SPATA6L: variants seen among roughly 807,000 people sequenced by gnomAD.
SPATA6L encodes the protein spermatogenesis associated 6-like protein.
SPATA6L carries 68 observed loss-of-function variants against 49.2 expected under a neutral mutation model. The observed-to-expected ratio is 1.38, with a 90% CI of 1.14 to 1.69. The LOEUF (loss-of-function observed/expected upper bound fraction) is 1.69, where lower values mean the gene tolerates loss of function less well. Among genes scored for constraint, SPATA6L ranks in the 40% most tolerant of loss-of-function variants. The pLI is 0.00. For missense variants in SPATA6L, 668 were observed against 464.3 expected (o/e 1.44, Z -4.03); for synonymous variants, 198 against 165.7 (o/e 1.19, Z -1.50).
chr9:4,637,371 C>G (rs575430463), intron 3 of SPATA6L, among the ~76,000 whole-genome samples: 81 of 152,324 alleles, frequency 5.3e-4, no homozygotes, highest in Middle Eastern at 3.4e-3. Flanking sequence ...TTCCCAGACA[C>G]TCCCCATCAC....
chr9:4,640,195 T>A (rs569956610), intron 3 of SPATA6L, among the ~76,000 whole-genome samples: 8 of 152,310 alleles, frequency 5.3e-5, no homozygotes, highest in Admixed American at 3.3e-4. Flanking sequence ...AAAGAAAGCA[T>A]CAAGCTCACT....
chr9:4,640,119 T>G (rs1196586096), intron 3 of SPATA6L, among the ~76,000 whole-genome samples: 1 of 152,224 alleles, frequency 6.6e-6, no homozygotes, highest in African/African-American at 2.4e-5. Context: ...TAGAATAGGC[T>G]TTTACAGTTG....
chr9:4,610,595 T>C (rs941627781), intron 9 of SPATA6L, among the ~76,000 whole-genome samples: 22 of 151,196 alleles, frequency 1.5e-4, no homozygotes, highest in Non-Finnish European at 2.7e-4. Flanking sequence ...GCTAGCCATA[T>C]GTAGAAAGCT....
At chr9:4,626,814 C>A in intron 5 of SPATA6L, 1 of 223,062 alleles carries the variant, frequency 4.5e-6, no homozygotes, top group Non-Finnish European at 9.3e-6. Context: ...AATTGTCTGG[C>A]ACAAGAGTAC....
chr9:4,649,146 C>G (rs958702679), intron 3 of SPATA6L, among the ~76,000 whole-genome samples: 3 of 151,942 alleles, frequency 2.0e-5, no homozygotes, highest in African/African-American at 7.3e-5. Flanking sequence ...TGGATTGGTT[C>G]CACATTTTTG....
At chr9:4,604,575 C>T (rs970823368) in intron 10 of SPATA6L, among the ~76,000 whole-genome samples, 1 of 152,062 alleles carries the variant, frequency 6.6e-6, no homozygotes, top group African/African-American at 2.4e-5. Flanking sequence ...AGATTCCTTG[C>T]CTGAAAAGGT....
chr9:4,632,448 C>T (rs10283589), intron 4 of SPATA6L, among the ~76,000 whole-genome samples: 21,975 of 151,562 alleles, frequency 0.14, 2,593 homozygotes, highest in East Asian at 0.33. Context: ...ATACAAAAGT[C>T]AGCCAGGCGT....
Position 4,614,361 on chromosome 9 carries a change from G to A in SPATA6L, c.995+3562C>T, listed in dbSNP as rs116616297. ...CATCCTTATGACCTTGATCCTTACT[G>A]ACTTCAGTATTAAGTTAGCAGAAAA... On this transcript the variant is annotated intron_variant, in intron 9 of 11. Coordinates refer to ENST00000682582, the MANE Select transcript of SPATA6L (RefSeq NM_001353486.2). Among the ~76,000 whole-genome samples, 790 of 152,210 alleles carry A rather than the reference G, an allele frequency of 5.2e-3. 10 individuals carry two copies. Among genetic ancestry groups the A allele is most frequent in the African/African-American group, 0.018 (755 of 41,518 alleles).
chr9:4,662,107 T>G lies in SPATA6L; in HGVS notation c.40-71A>C, dbSNP rs1017693697. 6.4e-7 allele frequency: 1 copy of G among 1,568,938 alleles called. No individual in the cohort carries two copies. On this transcript the variant is annotated intron_variant, in intron 1 of 11. Coordinates refer to ENST00000682582, the MANE Select transcript of SPATA6L (RefSeq NM_001353486.2). The surrounding 1 kb of genome is among the most constrained non-coding windows in gnomAD (Gnocchi z 4.9). ...TGCTTTGTTTTGTTACACGGGGCTCTATTTCTCTTAAGCTCCTACAGACAC... is the reference window on the plus strand; with the variant it reads ...TGCTTTGTTTTGTTACACGGGGCTCGATTTCTCTTAAGCTCCTACAGACAC...
intron 6 of SPATA6L, among the ~76,000 whole-genome samples, chr9:4,623,704 A>G (rs1374334432): frequency 1.3e-5 from 2 of 152,240 alleles, no homozygotes; most frequent in Admixed American, 6.5e-5. Context: ...GTTAAATAAA[A>G]TAAGTATCAA....
intron 3 of SPATA6L, among the ~76,000 whole-genome samples, chr9:4,654,942 G>C (rs1199810314): frequency 1.3e-5 from 2 of 152,032 alleles, no homozygotes; most frequent in African/African-American, 2.4e-5. Context: ...CACCCTTCCT[G>C]TACCGAGCAC....
At chr9:4,602,004 G>T (rs1823421247) in intron 11 of SPATA6L, among the ~76,000 whole-genome samples, 1 of 152,146 alleles carries the variant, frequency 6.6e-6, no homozygotes, top group Admixed American at 6.5e-5. Context: ...AGCCTCTCCA[G>T]GAATCCATGA....
In SPATA6L at chr9:4,622,150, G is replaced by A. The variant is rs142270304; in HGVS notation, c.772+258C>T. Among the ~76,000 whole-genome samples the A allele has an allele frequency of 2.6e-3, 393 of 152,296 alleles. 3 individuals carry two copies. Among genetic ancestry groups the A allele is most frequent in the African/African-American group, 8.3e-3 (347 of 41,572 alleles). On this transcript the variant is annotated intron_variant, in intron 7 of 11. Transcript: ENST00000682582. ...CTCTGCTTCCCCGGAACAGCCAGGG[G>A]ACAACTGCAACCACAGCACACTCAG... is the stretch of plus-strand genomic sequence containing the variant.
chr9:4,663,556 A>T, intron 1 of SPATA6L: 1 of 349,586 alleles, frequency 2.9e-6, no homozygotes, highest in Non-Finnish European at 5.5e-6. Flanking sequence ...AGGTGGTTAT[A>T]CTGTTGCTGT....
intron 4 of SPATA6L, among the ~76,000 whole-genome samples, chr9:4,629,769 G>GTGTGTGTATATATATATATA (rs1311805859): frequency 0.015 from 1,518 of 101,474 alleles, 26 homozygotes; most frequent in Admixed American, 0.038. Flanking sequence ...GTGTGTGTGT[G>GTGTGTGTATATATATATATA]TATATATATA....
chr9:4,590,549 A>G (rs549042979), intron 13 of SPATA6L, among the ~76,000 whole-genome samples: 2 of 152,304 alleles, frequency 1.3e-5, no homozygotes, highest in South Asian at 4.2e-4. Context: ...GTAAACCCCC[A>G]AAAGACAAGA....
Position 4,617,862 on chromosome 9 carries a change from C to A in SPATA6L, c.995+61G>T, listed in dbSNP as rs879767225. Reference sequence around the variant, plus strand: ...AAAGGAAGCTGGTGAAATGACCCAGCTTTACCCCTGCCAGGCCACAATGCA... The same window carrying A: ...AAAGGAAGCTGGTGAAATGACCCAGATTTACCCCTGCCAGGCCACAATGCA... On this transcript the variant is annotated intron_variant, in intron 9 of 11. Coordinates refer to ENST00000682582, the MANE Select transcript of SPATA6L (RefSeq NM_001353486.2). 2.8e-6 allele frequency: 4 copies of A among 1,433,532 alleles called. No homozygotes were observed. In the South Asian group the frequency reaches 4.7e-5, roughly 17 times the overall value. 88.8% of individuals were successfully genotyped at this position (1,433,532 alleles called of 1,614,324 possible). A position where few individuals can be genotyped will look rare whatever the true frequency, so the allele number is the denominator to read the frequency against.
At chr9:4,650,824 TTGTGTGTGTGTGTG>T (rs59184426) in intron 3 of SPATA6L, among the ~76,000 whole-genome samples, 69 of 137,144 alleles carry the variant, frequency 5.0e-4, no homozygotes, top group African/African-American at 8.7e-4. Flanking sequence ...CAAACCCAGC[TTGTGTGTGTGTGTG>T]TGTGTGTGTG....
intron 13 of SPATA6L, among the ~76,000 whole-genome samples, chr9:4,590,614 C>T (rs1821844944): frequency 6.6e-6 from 1 of 152,128 alleles, no homozygotes; most frequent in Non-Finnish European, 1.5e-5. Context: ...AAAGGAATGC[C>T]ATTGCCTCTT....
Sources: allele counts gnomAD v4.1 joint callset (sites outside exome capture counted in the v4.1 genomes callset), GRCh38; gene constraint gnomAD v4.1.1; non-coding constraint Gnocchi (gnomAD v3.1); transcripts MANE v1.5; gene names NCBI Gene and HGNC (gene_info 2026-07-23, HGNC 2026-07-21).